ESRRG: variants seen among roughly 807,000 people sequenced by gnomAD.
The protein encoded by ESRRG is estrogen related receptor gamma, also known as estrogen-related receptor gamma.
A neutral mutation model predicts 44.0 loss-of-function variants in ESRRG; 13 were observed. The ratio of observed to expected loss-of-function variants is 0.30; its 90% CI spans 0.19 to 0.47. ESRRG has a LOEUF of 0.47. Ranked by LOEUF, ESRRG falls within the 20% of genes least tolerant of loss-of-function variation. ESRRG has a pLI of 1.00. For missense variants in ESRRG, 395 were observed against 580.6 expected (o/e 0.68, Z 3.29); for synonymous variants, 215 against 214.6 (o/e 1.00, Z -0.02).
At chr1:216,762,056 G>T (rs1160382884) in intron 2 of ESRRG, among the ~76,000 whole-genome samples, 7 of 152,094 alleles carry the variant, frequency 4.6e-5, no homozygotes, top group African/African-American at 1.7e-4. Context: ...TCTAGGATGG[G>T]TGTTATATTA....
intron 1 of ESRRG, among the ~76,000 whole-genome samples, chr1:216,703,691 G>C (rs1454823651): frequency 6.7e-6 from 1 of 149,884 alleles, no homozygotes; most frequent in Non-Finnish European, 1.5e-5. Flanking sequence ...GTGTATGTTT[G>C]TGTGTGTATG....
intron 5 of ESRRG, among the ~76,000 whole-genome samples, chr1:216,530,564 C>T (rs955484166): frequency 2.6e-5 from 4 of 152,086 alleles, no homozygotes; most frequent in Non-Finnish European, 1.5e-5. Flanking sequence ...CTCACCTACA[C>T]GCACATTAAG....
chr1:216,978,089 A>G (rs2073294823), intron 1 of ESRRG, among the ~76,000 whole-genome samples: 1 of 152,154 alleles, frequency 6.6e-6, no homozygotes, highest in Non-Finnish European at 1.5e-5. Context: ...ATTATGTTAT[A>G]GCAGAAGGAA....
intron 2 of ESRRG, among the ~76,000 whole-genome samples, chr1:216,738,775 C>T (rs1357620939): frequency 1.3e-5 from 2 of 152,138 alleles, no homozygotes; most frequent in Non-Finnish European, 2.9e-5. Context: ...TTCCTGAATA[C>T]ATGCTAATGT....
intron 2 of ESRRG, among the ~76,000 whole-genome samples, chr1:216,778,963 C>T (rs1027902033): frequency 1.3e-4 from 19 of 150,136 alleles, no homozygotes; most frequent in Non-Finnish European, 2.5e-4. Flanking sequence ...AAGCCATGGG[C>T]CTCTTCCTCA....
chr1:216,984,504 C>T (rs555095959), intron 1 of ESRRG, among the ~76,000 whole-genome samples: 7 of 152,270 alleles, frequency 4.6e-5, no homozygotes, highest in Non-Finnish European at 7.4e-5. Flanking sequence ...GGGGACGACA[C>T]CTGATAATTT....
chr1:217,047,168 A>G (rs1407161763), intron 1 of ESRRG, among the ~76,000 whole-genome samples: 2 of 152,026 alleles, frequency 1.3e-5, no homozygotes, highest in African/African-American at 2.4e-5. Flanking sequence ...TCTAGTTACC[A>G]TCTTCTAATT....
chr1:216,820,310 G>T (rs2095258369), intron 2 of ESRRG, among the ~76,000 whole-genome samples: 2 of 151,952 alleles, frequency 1.3e-5, no homozygotes, highest in African/African-American at 4.8e-5. Flanking sequence ...CCCCTTTAAA[G>T]ACATGAAATA....
At chr1:216,987,229 G>T (rs1430999938) in intron 1 of ESRRG, among the ~76,000 whole-genome samples, 1 of 151,996 alleles carries the variant, frequency 6.6e-6, no homozygotes, top group Non-Finnish European at 1.5e-5. Flanking sequence ...ACCTAATTTT[G>T]CATTTTTAGT....
chr1:217,093,149 G>A (rs77229787), upstream of ESRRG, among the ~76,000 whole-genome samples: 6,913 of 152,222 alleles, frequency 0.045, 198 homozygotes, highest in South Asian at 0.14. Context: ...AAACAAATAA[G>A]AACCCGTAGG....
chr1:216,582,182 T>C (rs2062910962), intron 3 of ESRRG, among the ~76,000 whole-genome samples: 1 of 152,224 alleles, frequency 6.6e-6, no homozygotes. Flanking sequence ...ACATGTGTTT[T>C]CATTAGAAAA....
intron 2 of ESRRG, among the ~76,000 whole-genome samples, chr1:216,850,284 A>G (rs1577225724): frequency 6.6e-6 from 1 of 152,156 alleles, no homozygotes; most frequent in Non-Finnish European, 1.5e-5. Flanking sequence ...GCTTTCTACC[A>G]ATGTTGTCAA....
At chr1:216,736,257 A>ACT (rs1472334285) in intron 2 of ESRRG, among the ~76,000 whole-genome samples, 1 of 132,318 alleles carries the variant, frequency 7.6e-6, no homozygotes, top group African/African-American at 2.9e-5. Context: ...GTCTCTACTC[A>ACT]CTGCAAGCTC....
chr1:216,871,341 T>G (rs1232365897), intron 2 of ESRRG, among the ~76,000 whole-genome samples: 9 of 152,044 alleles, frequency 5.9e-5, no homozygotes. Context: ...GAGAACATAT[T>G]TTATATTATT....
At chr1:216,533,477 C>A (rs1349628702) in intron 5 of ESRRG, among the ~76,000 whole-genome samples, 2 of 152,030 alleles carry the variant, frequency 1.3e-5, no homozygotes, top group Non-Finnish European at 2.9e-5. Context: ...TATCTCAGAG[C>A]CTGCATTTAT....
chr1:216,885,600 A>G (rs1240736865), intron 2 of ESRRG, among the ~76,000 whole-genome samples: 2 of 151,870 alleles, frequency 1.3e-5, no homozygotes, highest in African/African-American at 4.8e-5. Context: ...TGCAATCTTA[A>G]AGGTTTTTTT....
intron 1 of ESRRG, among the ~76,000 whole-genome samples, chr1:217,137,393 C>T (rs572336102): frequency 6.6e-6 from 1 of 152,340 alleles, no homozygotes; most frequent in South Asian, 2.1e-4. Flanking sequence ...GGGGCTCAGG[C>T]AGTAGCTCCC....
chr1:216,565,797 T>C (rs2149565731), intron 4 of ESRRG, among the ~76,000 whole-genome samples: 1 of 152,304 alleles, frequency 6.6e-6, no homozygotes, highest in South Asian at 2.1e-4. Context: ...TAATATTTAA[T>C]TTGGATTTTT....
intron 1 of ESRRG, among the ~76,000 whole-genome samples, chr1:217,127,374 C>T (rs2092906711): frequency 6.6e-6 from 1 of 152,106 alleles, no homozygotes; most frequent in African/African-American, 2.4e-5. Context: ...ATAAATCATG[C>T]CAAGTTTGGT....
Sources: gnomAD v4.1 joint callset for allele counts (sites outside exome capture counted in the v4.1 genomes callset) on GRCh38, gnomAD v4.1.1 for gene constraint, MANE v1.5 for transcripts, NCBI Gene and HGNC (gene_info 2026-07-23, HGNC 2026-07-21) for gene names.